MGAT4C: variants seen among roughly 807,000 people sequenced by gnomAD.
The protein encoded by MGAT4C is alpha-1,3-mannosyl-glycoprotein 4-beta-N-acetylglucosaminyltransferase C.
Under a neutral mutation model 40.1 loss-of-function variants are expected in MGAT4C, and 19 were observed. That is an observed-to-expected ratio of 0.47 (90% CI 0.33 to 0.70). MGAT4C has a LOEUF of 0.70. MGAT4C is among the 30% of genes least tolerant of loss of function. The probability of loss-of-function intolerance (pLI) is 0.02; values close to 1 mark genes in which losing one functional copy is unlikely to be tolerated. For synonymous variants in MGAT4C, 181 were observed against 187.1 expected, an observed-to-expected ratio of 0.97 and a Z score of 0.27; for missense variants, 491 against 563.2, an observed-to-expected ratio of 0.87 and a Z score of 1.30.
chr12:86,812,127 T>C (rs1952489662), intron 1 of MGAT4C, among the ~76,000 whole-genome samples: 1 of 152,346 alleles, frequency 6.6e-6, no homozygotes, highest in Admixed American at 6.5e-5. Flanking sequence ...ATTCTATTAT[T>C]GATTTCTGCT....
chr12:86,056,073 C>T (rs974219395), intron 1 of MGAT4C, among the ~76,000 whole-genome samples: 3 of 151,940 alleles, frequency 2.0e-5, no homozygotes, highest in African/African-American at 7.2e-5. Flanking sequence ...AAAATTATTC[C>T]AGGCATTCTT....
chr12:86,573,343 G>A (rs976605569), intron 2 of MGAT4C, among the ~76,000 whole-genome samples: 1 of 151,998 alleles, frequency 6.6e-6, no homozygotes, highest in African/African-American at 2.4e-5. Context: ...TGAAAGCTGT[G>A]TATTCCTCTA....
At chr12:86,619,431 T>C (rs2136486499) in intron 2 of MGAT4C, among the ~76,000 whole-genome samples, 1 of 152,208 alleles carries the variant, frequency 6.6e-6, no homozygotes, top group African/African-American at 2.4e-5. Context: ...CTTGACAAAA[T>C]ACTTGCACCT....
chr12:86,520,397 G>A (rs180905477), intron 2 of MGAT4C, among the ~76,000 whole-genome samples: 6 of 152,170 alleles, frequency 3.9e-5, no homozygotes, highest in Admixed American at 6.5e-5. Context: ...CAAAGGACAC[G>A]ATCTCATTCT....
At chr12:86,799,537 A>G (rs945476765) in intron 1 of MGAT4C, among the ~76,000 whole-genome samples, 2 of 151,850 alleles carry the variant, frequency 1.3e-5, no homozygotes, top group South Asian at 2.1e-4. Flanking sequence ...ACCATTATTT[A>G]TGATGCACAA....
At chr12:86,242,098 A>C (rs764824203) in intron 1 of MGAT4C, among the ~76,000 whole-genome samples, 27 of 152,138 alleles carry the variant, frequency 1.8e-4, no homozygotes, top group Non-Finnish European at 3.4e-4. Context: ...GGACCTTCAC[A>C]TGGCTGAGGT....
At chr12:86,606,538 T>A (rs1962052804) in intron 2 of MGAT4C, among the ~76,000 whole-genome samples, 1 of 152,118 alleles carries the variant, frequency 6.6e-6, no homozygotes, top group African/African-American at 2.4e-5. Flanking sequence ...CTTGTGTGAC[T>A]CCCTTTGTGA....
At chr12:86,621,536 T>C (rs1164786783) in intron 2 of MGAT4C, among the ~76,000 whole-genome samples, 13 of 152,182 alleles carry the variant, frequency 8.5e-5, no homozygotes, top group African/African-American at 2.9e-4. Flanking sequence ...TGGAGTGCAG[T>C]GGCATGATCA....
intron 2 of MGAT4C, among the ~76,000 whole-genome samples, chr12:86,441,636 T>C (rs1957230094): frequency 6.6e-6 from 1 of 151,834 alleles, no homozygotes; most frequent in Non-Finnish European, 1.5e-5. Flanking sequence ...CTGAGAATGA[T>C]GGTTTCCAGT....
intron 1 of MGAT4C, among the ~76,000 whole-genome samples, chr12:86,811,361 GA>G (rs1952470816): frequency 2.3e-5 from 2 of 87,432 alleles, no homozygotes; most frequent in African/African-American, 4.6e-5. Context: ...TTTTTTTCTT[GA>G]GACAGAGTCT....
chr12:86,652,920 T>C (rs960115422), intron 2 of MGAT4C, among the ~76,000 whole-genome samples: 1 of 151,954 alleles, frequency 6.6e-6, no homozygotes. Context: ...TTGATTATGA[T>C]TCTGTATTAA....
At chr12:86,777,545 C>G (rs917660990) in intron 1 of MGAT4C, among the ~76,000 whole-genome samples, 1 of 152,148 alleles carries the variant, frequency 6.6e-6, no homozygotes, top group Non-Finnish European at 1.5e-5. Flanking sequence ...TAGAGGCAGC[C>G]AGACCCTCTG....
At chr12:86,011,408 T>A (rs1888451498) in intron 2 of MGAT4C, among the ~76,000 whole-genome samples, 2 of 152,210 alleles carry the variant, frequency 1.3e-5, no homozygotes. Flanking sequence ...AAATCCAAAG[T>A]TATCTTTTAG....
chr12:86,744,407 A>T (rs986283307), intron 1 of MGAT4C, among the ~76,000 whole-genome samples: 4 of 151,576 alleles, frequency 2.6e-5, no homozygotes, highest in African/African-American at 7.3e-5. Context: ...AACAGAGTGT[A>T]TGTAGCACAC....
intron 2 of MGAT4C, among the ~76,000 whole-genome samples, chr12:86,012,093 CATATT>C (rs1565856531): frequency 6.6e-6 from 1 of 152,154 alleles, no homozygotes; most frequent in Non-Finnish European, 1.5e-5. Flanking sequence ...AGTCGTAACT[CATATT>C]ATATTATCAT....
chr12:86,464,178 C>T (rs1957643511), intron 2 of MGAT4C, among the ~76,000 whole-genome samples: 1 of 152,056 alleles, frequency 6.6e-6, no homozygotes, highest in Admixed American at 6.6e-5. Flanking sequence ...ACTGATGATT[C>T]CAAATAAAGT....
chr12:86,709,727 A>G (rs1950525711), intron 2 of MGAT4C, among the ~76,000 whole-genome samples: 1 of 152,096 alleles, frequency 6.6e-6, no homozygotes, highest in Non-Finnish European at 1.5e-5. Context: ...ACATTTTAAA[A>G]TAAGTATTTC....
At chr12:86,700,759 T>C (rs1257449460) in intron 2 of MGAT4C, among the ~76,000 whole-genome samples, 1 of 152,116 alleles carries the variant, frequency 6.6e-6, no homozygotes, top group Non-Finnish European at 1.5e-5. Flanking sequence ...CTTGCAAATA[T>C]TTTTATTTAA....
At chr12:86,641,638 G>A (rs1963392085) in intron 2 of MGAT4C, among the ~76,000 whole-genome samples, 1 of 151,804 alleles carries the variant, frequency 6.6e-6, no homozygotes, top group African/African-American at 2.4e-5. Context: ...CTTTTCTCCA[G>A]CTTACTGAAC....
Sources: allele counts gnomAD v4.1 joint callset (sites outside exome capture counted in the v4.1 genomes callset), GRCh38; gene constraint gnomAD v4.1.1; transcripts MANE v1.5; gene names NCBI Gene and HGNC (gene_info 2026-07-23, HGNC 2026-07-21).